Variants in ATG2B observed in about 807,000 individuals in gnomAD.
ATG2B encodes autophagy-related protein 2 homolog B.
Under a neutral mutation model 241.3 loss-of-function variants are expected in ATG2B, and 121 were observed. That is an observed-to-expected ratio of 0.50 (90% CI 0.43 to 0.58). ATG2B has a LOEUF of 0.58. ATG2B is among the 20% of genes least tolerant of loss of function. The probability of loss-of-function intolerance (pLI) is 0.00; values close to 1 mark genes in which losing one functional copy is unlikely to be tolerated. For missense variants in ATG2B, 2,306 were observed against 2,491.6 expected (o/e 0.93, Z 1.59); for synonymous variants, 858 against 876.6 (o/e 0.98, Z 0.37).
In ATG2B at chr14:96,308,579, G is replaced by C. The variant is rs139239736; in HGVS notation, c.4303+874C>G. Among the ~76,000 whole-genome samples the C allele has an allele frequency of 4.3e-3, 642 of 150,802 alleles. 26 individuals are homozygous for C. The South Asian group carries it at 0.068, about 16-fold the overall frequency. On this transcript the variant is annotated intron_variant, in intron 29 of 41. Transcript: ENST00000359933. ...CAGCTTCCCAAAGTGCTAGATTACA[G>C]GCATGAGCCACTGTGCCCAGCCTAG...
chr14:96,290,245 T>C lies in ATG2B; in HGVS notation c.5856+191A>G. ...TAGGCAAACAAATCTGACACTGTAT[T>C]CCACTGCTTTATTCTAATTATTTAA... is the stretch of plus-strand genomic sequence containing the variant. On this transcript the variant is annotated intron_variant, in intron 40 of 41. Coordinates refer to ENST00000359933, the MANE Select transcript of ATG2B (RefSeq NM_018036.7). This position sits in a 1 kb window ranked among gnomAD's most constrained non-coding sequence, Gnocchi z 4.4. 8.1e-7 allele frequency: 1 copy of C among 1,239,734 alleles called. No individual in the cohort carries two copies. Among genetic ancestry groups the C allele is most frequent in the Non-Finnish European group, 1.1e-6 (1 of 947,660 alleles). 76.8% of individuals were successfully genotyped at this position (1,239,734 alleles called of 1,614,324 possible).
chr14:96,352,853 C>T (rs527482931), intron 1 of ATG2B, among the ~76,000 whole-genome samples: 13 of 151,740 alleles, frequency 8.6e-5, no homozygotes, highest in East Asian at 7.7e-4. Flanking sequence ...TTATTCTAGC[C>T]GAAGTGTACA....
intron 1 of ATG2B, among the ~76,000 whole-genome samples, chr14:96,353,691 G>GA (rs1430688901): frequency 6.6e-6 from 1 of 150,952 alleles, no homozygotes; most frequent in African/African-American, 2.4e-5. Context: ...TGTTACACTA[G>GA]AAAATATTTG....
intron 2 of ATG2B, among the ~76,000 whole-genome samples, chr14:96,345,743 A>G (rs1360901812): frequency 1.3e-5 from 2 of 152,154 alleles, no homozygotes; most frequent in Non-Finnish European, 2.9e-5. Flanking sequence ...TTTTTTCTGT[A>G]AAGGGTCAGA....
Position 96,315,165 on chromosome 14 carries a change from A to C in ATG2B, c.3631T>G (p.Trp1211Gly). The change falls in exon 23 of 42, where the codon TGG becomes GGG. Residue 1211 changes from tryptophan (W) to glycine (G), a missense_variant. By Grantham distance (184) the Trp-to-Gly change is radical. Coordinates refer to ENST00000359933, the MANE Select transcript of ATG2B (RefSeq NM_018036.7). ...AACAGCTCTCTTACCTGCTCATGCC[A>C]GCTAAGCCCAGAAGGAAGCATTCTA... The part of the protein sequence containing the change: ...QHRMLPSGLS[W>G]HEQILYFLNI... 6.2e-7 allele frequency: 1 copy of C among 1,614,004 alleles called. No individual in the cohort carries two copies. Among genetic ancestry groups the C allele is most frequent in the Admixed American group, 1.7e-5 (1 of 60,024 alleles).
At chr14:96,332,214 GAAAA>G in intron 10 of ATG2B, 87 bp downstream of exon 10, 10 of 826,844 alleles carry the variant, frequency 1.2e-5, no homozygotes, top group South Asian at 1.8e-5. Flanking sequence ...GCCAAGACCA[GAAAA>G]AAAAAAAAAA....
At chr14:96,305,841 T>G (rs376890977) in intron 30 of ATG2B, 26 bp from the exon 31 acceptor site, 3 of 1,565,176 alleles carry the variant, frequency 1.9e-6, no homozygotes, top group Non-Finnish European at 2.6e-6. Flanking sequence ...AGGTAACACA[T>G]ACTCTCTTTT....
chr14:96,325,420 A>G (rs1247764497), intron 15 of ATG2B, among the ~76,000 whole-genome samples: 3 of 152,236 alleles, frequency 2.0e-5, no homozygotes, highest in African/African-American at 7.2e-5. Context: ...CTCCTGCAGT[A>G]AACAGGAATT....
At chr14:96,355,897 G>T (rs1888459477) in intron 1 of ATG2B, among the ~76,000 whole-genome samples, 5 of 152,048 alleles carry the variant, frequency 3.3e-5, no homozygotes. Flanking sequence ...GCTGGCTGAG[G>T]GCGGTGGCTC....
At position 96,289,755 on chromosome 14, in the gene ATG2B, G is replaced by T; in HGVS notation, c.5907C>A (p.Ile1969=). ...GAAACCTTTTGGTCTTCTTGGGCTC[G>T]ATAGAAAGGGTACCAGGAGACACCA... ...YDMVSPGTLS[I]EPKKTKRFPH... The change falls in exon 41 of 42, where the codon ATC becomes ATA. Residue 1969 remains isoleucine, a synonymous_variant. Coordinates refer to ENST00000359933, the MANE Select transcript of ATG2B (RefSeq NM_018036.7). This position sits in a 1 kb window ranked among gnomAD's most constrained non-coding sequence, Gnocchi z 4.3. 1 of 1,614,138 alleles carries T rather than the reference G, an allele frequency of 6.2e-7. No individual in the cohort carries two copies. Among genetic ancestry groups the T allele is most frequent in the Non-Finnish European group, 8.5e-7 (1 of 1,180,022 alleles).
intron 34 of ATG2B, 63 bp from the exon 35 acceptor site, chr14:96,295,623 A>T: frequency 9.1e-7 from 1 of 1,103,426 alleles, no homozygotes; most frequent in Non-Finnish European, 1.3e-6. Flanking sequence ...TAAAACTATG[A>T]AACAAAGTAT....
intron 1 of ATG2B, among the ~76,000 whole-genome samples, chr14:96,357,434 G>T (rs139165225): frequency 2.6e-5 from 4 of 152,062 alleles, no homozygotes; most frequent in African/African-American, 9.6e-5. Flanking sequence ...CTTCCTATAC[G>T]TATATTCCCA....
chr14:96,358,452 A>G (rs760495245), intron 1 of ATG2B, among the ~76,000 whole-genome samples: 18 of 152,158 alleles, frequency 1.2e-4, no homozygotes, highest in Non-Finnish European at 2.6e-4. Flanking sequence ...GGAAAAAAAG[A>G]AAAAAACTGA....
rs1566712267 is a variant in ATG2B at position 96,289,218 on chromosome 14, AC to A, written c.6006+437del. On this transcript the variant is annotated intron_variant, in intron 41 of 41. Coordinates refer to ENST00000359933, the MANE Select transcript of ATG2B (RefSeq NM_018036.7). The surrounding 1 kb of genome is among the most constrained non-coding windows in gnomAD (Gnocchi z 4.3). ...TAAATAAAAATACATACATAATAAA[AC>A]TATATAAAAACATGTACAAAAAAAT... is the stretch of plus-strand genomic sequence containing the variant. Among the ~76,000 whole-genome samples, 1 of 152,206 alleles carries A rather than the reference AC, an allele frequency of 6.6e-6. No individual in the cohort carries two copies. The highest frequency in any genetic ancestry group is 1.5e-5 in the Non-Finnish European group (1 of 68,042).
In ATG2B at chr14:96,332,495, C is replaced by G. The variant is rs1377683631; in HGVS notation, c.1362+6G>C. On this transcript the variant is annotated splice_donor_region_variant and intron_variant, in intron 9 of 41. Transcript: ENST00000359933. ...AGTCTAGAAGAAAAATTAAGTAATA[C>G]TTTACCACAGTAGCACTTAATGGAG... 1 of 1,611,138 alleles carries G rather than the reference C, an allele frequency of 6.2e-7. No homozygotes were observed. Among genetic ancestry groups the G allele is most frequent in the East Asian group, 2.2e-5 (1 of 44,844 alleles).
intron 38 of ATG2B, 54 bp downstream of exon 38, chr14:96,291,546 T>C (rs1886483208): frequency 1.5e-6 from 2 of 1,352,794 alleles, no homozygotes; most frequent in Non-Finnish European, 2.1e-6. Flanking sequence ...TTAAATTTGT[T>C]GTACACTAAC....
At chr14:96,316,802 A>G in intron 20 of ATG2B, 119 bp from the exon 21 acceptor site, 2 of 798,440 alleles carry the variant, frequency 2.5e-6, no homozygotes, top group East Asian at 5.3e-5. Flanking sequence ...GCAGCAAAGC[A>G]GTCTAATCCT....
In ATG2B at chr14:96,280,263, C is replaced by T. The variant is rs1256563814; in HGVS notation, c.*5492G>A. ...TTTTTGCTAAGTTAGGTAACTGCTCCAAGCTTTTCTTAAATGAAGTCCTGG... is the reference window on the plus strand; with the variant it reads ...TTTTTGCTAAGTTAGGTAACTGCTCTAAGCTTTTCTTAAATGAAGTCCTGG... On this transcript the variant is annotated 3_prime_UTR_variant, in exon 42 of 42. Transcript: ENST00000359933. 6.6e-6 allele frequency: 1 copy of T among 152,154 alleles called. No homozygotes were observed. Among genetic ancestry groups the T allele is most frequent in the Non-Finnish European group, 1.5e-5 (1 of 68,010 alleles). 9.4% of individuals were successfully genotyped at this position (152,154 alleles called of 1,614,324 possible).
intron 2 of ATG2B, among the ~76,000 whole-genome samples, chr14:96,346,294 C>CA (rs2139898768): frequency 6.6e-6 from 1 of 152,208 alleles, no homozygotes; most frequent in South Asian, 2.1e-4. Context: ...AGCAAAGTGA[C>CA]AGAGATTGCA....
Sources: gnomAD v4.1 joint callset for allele counts (sites outside exome capture counted in the v4.1 genomes callset) on GRCh38, gnomAD v4.1.1 for gene constraint, Gnocchi (gnomAD v3.1) non-coding constraint, MANE v1.5 for transcripts, NCBI Gene and HGNC (gene_info 2026-07-23, HGNC 2026-07-21) for gene names.